PHF2: variants seen among roughly 807,000 people sequenced by gnomAD.
PHF2 encodes the protein PHD finger protein 2.
A neutral mutation model predicts 120.5 loss-of-function variants in PHF2; 27 were observed. That is an observed-to-expected ratio of 0.22 (90% CI 0.17 to 0.31). PHF2 has a LOEUF of 0.31. PHF2 is among the 10% of genes least tolerant of loss of function. The pLI, the probability that PHF2 is intolerant of heterozygous loss-of-function variation, is 1.00. For missense variants in PHF2, 1,024 were observed against 1,434.8 expected, an observed-to-expected ratio of 0.71 and a Z score of 4.63; for synonymous variants, 568 against 592.5, an observed-to-expected ratio of 0.96 and a Z score of 0.60.
At chr9:93,610,812 G>C (rs1354380436) in intron 1 of PHF2, among the ~76,000 whole-genome samples, 1 of 152,082 alleles carries the variant, frequency 6.6e-6, no homozygotes, top group Admixed American at 6.6e-5. Context: ...TTTTGTTTTG[G>C]TCTGTACATT....
At chr9:93,667,011 C>T in intron 16 of PHF2, 69 bp from the exon 17 acceptor site, 1 of 1,369,816 alleles carries the variant, frequency 7.3e-7, no homozygotes, top group Non-Finnish European at 9.8e-7. Flanking sequence ...AAGTATCCTC[C>T]TCCCAACTCC....
At chr9:93,603,397 G>A (rs762886106) in intron 1 of PHF2, among the ~76,000 whole-genome samples, 6 of 152,052 alleles carry the variant, frequency 3.9e-5, no homozygotes, top group Non-Finnish European at 4.4e-5. Flanking sequence ...CAGTGGACAC[G>A]GTCTATGTTG....
chr9:93,665,701 G>T lies in PHF2; in HGVS notation c.1953G>T (p.Arg651Ser). Reference sequence around the variant, plus strand: ...TCTGCCCTAGCTCCAAGGCTCTCAGGCCCCCGACGAGCCCTGGTGTGTTCG... The same window carrying T: ...TCTGCCCTAGCTCCAAGGCTCTCAGTCCCCCGACGAGCCCTGGTGTGTTCG... The part of the protein sequence containing the change: ...NKKLLGSKAL[R>S]PPTSPGVFGA... The change falls in exon 15 of 22, where the codon AGG (arginine) becomes AGT (serine). Residue 651 changes from arginine (R) to serine (S), a missense_variant. Coordinates refer to ENST00000359246, the MANE Select transcript of PHF2 (RefSeq NM_005392.4). 6.2e-7 allele frequency: 1 copy of T among 1,613,782 alleles called. No individual in the cohort carries two copies. Among genetic ancestry groups the T allele is most frequent in the Non-Finnish European group, 8.5e-7 (1 of 1,180,002 alleles).
At chr9:93,675,450 G>A (rs1383119859) in intron 19 of PHF2, among the ~76,000 whole-genome samples, 2 of 152,250 alleles carry the variant, frequency 1.3e-5, no homozygotes, top group African/African-American at 4.8e-5. Flanking sequence ...CTCTGATGTT[G>A]CTGGGCCTCC....
rs77601841 is a variant in PHF2 at position 93,654,311 on chromosome 9, C to T, written c.790-102C>T. 1.8e-3 allele frequency: 1,922 copies of T among 1,059,146 alleles called. 20 individuals are homozygous for T. In the African/African-American group the frequency reaches 0.027, roughly 15 times the overall value. The allele number at this position is 1,059,146 out of a possible 1,614,324, so 65.6% of individuals were successfully genotyped here. A position where few individuals can be genotyped will look rare whatever the true frequency, so the allele number is the denominator to read the frequency against. On this transcript the variant is annotated intron_variant, in intron 6 of 21. Transcript: ENST00000359246. ...TGCCCTCAGTGTTGCAGGCGGGAGT[C>T]GTGGACCTGGGCAGGGTACTTTTCA...
chr9:93,679,411 T>C lies in PHF2; in HGVS notation c.*1735T>C, dbSNP rs761562920. The C allele has an allele frequency of 4.3e-5, 14 of 325,040 alleles. No individual in the cohort carries two copies. The highest frequency in any genetic ancestry group is 1.1e-3 in the Middle Eastern group (1 of 942). 20.1% of individuals were successfully genotyped at this position (325,040 alleles called of 1,614,324 possible). ...ACATCAAGCTGTTCTCTCTCTCTCT[T>C]TTTTTTAATTTTATTATTATTATTT... On this transcript the variant is annotated 3_prime_UTR_variant, in exon 22 of 22. Transcript: ENST00000359246.
rs569488851 is a variant in PHF2, at chr9:93,673,567, G to A, written c.2349-18G>A. The A allele has an allele frequency of 2.6e-6, 4 of 1,540,504 alleles. No individual in the cohort carries two copies. In the Admixed American group the frequency reaches 5.6e-5, roughly 21 times the overall value. On this transcript the variant is annotated intron_variant, in intron 17 of 21. Coordinates refer to ENST00000359246, the MANE Select transcript of PHF2 (RefSeq NM_005392.4). ...GCCAAGAGCACTGGGCTGAGTGCCT[G>A]TCTCTCTGTGCCCCTAGCCAGCCCC...
chr9:93,619,708 T>C (rs533143167), intron 1 of PHF2, among the ~76,000 whole-genome samples: 1 of 152,356 alleles, frequency 6.6e-6, no homozygotes, highest in South Asian at 2.1e-4. Flanking sequence ...CCAGCCCTGG[T>C]GGGCCTGTTG....
In PHF2 at chr9:93,576,702, C is replaced by T. The variant is rs1467766624; in HGVS notation, c.-72C>T. 12 of 559,476 alleles carry T rather than the reference C, an allele frequency of 2.1e-5. No individual in the cohort carries two copies. The highest frequency in any genetic ancestry group is 2.7e-5 in the Non-Finnish European group (12 of 445,446). 34.7% of individuals were successfully genotyped at this position (559,476 alleles called of 1,614,324 possible). A position where few individuals can be genotyped will look rare whatever the true frequency, so the allele number is the denominator to read the frequency against. On this transcript the variant is annotated 5_prime_UTR_variant, in exon 1 of 22. Coordinates refer to ENST00000359246, the MANE Select transcript of PHF2 (RefSeq NM_005392.4). ...CCGCCCCCGCCGCCCCCGCGCGGCC[C>T]GGCCCCCGGCCCGGCCCGGACCGAC...
At chr9:93,658,116 AC>A in intron 9 of PHF2, 28 bp from the exon 10 acceptor site, 1 of 1,396,680 alleles carries the variant, frequency 7.2e-7, no homozygotes, top group Non-Finnish European at 1.0e-6. Context: ...GCAGGCACCC[AC>A]CCACCTCACC....
In PHF2 at chr9:93,655,923, C is replaced by G. The variant is rs758793616; in HGVS notation, c.953-11C>G. ...AAGGTGGGGCACCAGCCACTCCTGT[C>G]TCTCTCCCAGGCTGGATCTACGCCA... On this transcript the variant is annotated splice_polypyrimidine_tract_variant and intron_variant, in intron 7 of 21. Transcript: ENST00000359246. 5.6e-6 allele frequency: 9 copies of G among 1,607,416 alleles called. No homozygotes were observed. The South Asian group carries it at 1.0e-4, about 18-fold the overall frequency.
chr9:93,645,612 C>A lies in PHF2; in HGVS notation c.300-17C>A. On this transcript the variant is annotated splice_polypyrimidine_tract_variant and intron_variant, in intron 3 of 21. Transcript: ENST00000359246. Reference sequence around the variant, plus strand: ...GCCTCGGGCCCAATGTGGCCTCTGACCTGTGCTTCCCTGCAGTGCTGAAGA... The same window carrying A: ...GCCTCGGGCCCAATGTGGCCTCTGAACTGTGCTTCCCTGCAGTGCTGAAGA... 1 of 1,563,852 alleles carries A rather than the reference C, an allele frequency of 6.4e-7. No homozygotes were observed. Among genetic ancestry groups the A allele is most frequent in the Non-Finnish European group, 8.7e-7 (1 of 1,150,298 alleles).
chr9:93,660,651 A>G (rs567832031), intron 12 of PHF2, 91 bp downstream of exon 12: 8 of 1,258,022 alleles, frequency 6.4e-6, no homozygotes, highest in Non-Finnish European at 8.5e-6. Context: ...GCTAGGGCCC[A>G]TTGTCCTTGT....
At chr9:93,639,813 A>G (rs1442675407) in intron 3 of PHF2, among the ~76,000 whole-genome samples, 1 of 152,232 alleles carries the variant, frequency 6.6e-6, no homozygotes, top group Non-Finnish European at 1.5e-5. Flanking sequence ...TCTCCCAAGA[A>G]GAAAGCTCTC....
intron 1 of PHF2, among the ~76,000 whole-genome samples, chr9:93,600,327 G>C (rs1825417107): frequency 2.0e-5 from 3 of 152,126 alleles, no homozygotes; most frequent in Non-Finnish European, 2.9e-5. Context: ...TTCTTCCAAG[G>C]GGAAGAGGCA....
intron 1 of PHF2, among the ~76,000 whole-genome samples, chr9:93,600,913 G>A (rs1353816525): frequency 6.6e-6 from 1 of 152,208 alleles, no homozygotes; most frequent in East Asian, 1.9e-4. Context: ...TCCTAATGCA[G>A]GTGCTTGTCC....
At chr9:93,619,628 G>T (rs765747825) in intron 1 of PHF2, among the ~76,000 whole-genome samples, 4 of 151,892 alleles carry the variant, frequency 2.6e-5, no homozygotes, top group African/African-American at 7.3e-5. Flanking sequence ...CATGCCTGCT[G>T]GTGGCTTCCG....
rs1311195706 is a variant in PHF2 at position 93,576,680 on chromosome 9, C to T, written c.-94C>T. 4.2e-6 allele frequency: 1 copy of T among 238,482 alleles called. No individual in the cohort carries two copies. Among genetic ancestry groups the T allele is most frequent in the Non-Finnish European group, 6.6e-6 (1 of 151,126 alleles). The allele number at this position is 238,482 out of a possible 1,614,324, so 14.8% of individuals were successfully genotyped here. A position where few individuals can be genotyped will look rare whatever the true frequency, so the allele number is the denominator to read the frequency against. On this transcript the variant is annotated 5_prime_UTR_variant, in exon 1 of 22. Transcript: ENST00000359246. ...CCGCGGCGCCGCCTGCGCCCCGCCG[C>T]CCCCGCCGCCCCCGCGCGGCCCGGC...
intron 1 of PHF2, among the ~76,000 whole-genome samples, chr9:93,628,793 ATTC>A (rs1207408348): frequency 6.6e-6 from 1 of 152,150 alleles, no homozygotes; most frequent in Non-Finnish European, 1.5e-5. Context: ...TGTTTGCTGC[ATTC>A]TTCTTGTGGG....
Sources: allele counts gnomAD v4.1 joint callset (sites outside exome capture counted in the v4.1 genomes callset), GRCh38; gene constraint gnomAD v4.1.1; transcripts MANE v1.5; gene names NCBI Gene and HGNC (gene_info 2026-07-23, HGNC 2026-07-21).